GLMN: variants seen among roughly 807,000 people sequenced by gnomAD.
GLMN encodes the protein glomulin.
Under a neutral mutation model 87.8 loss-of-function variants are expected in GLMN, and 75 were observed. The ratio of observed to expected loss-of-function variants is 0.85; its 90% confidence interval spans 0.71 to 1.04. The LOEUF (loss-of-function observed/expected upper bound fraction) is 1.04. Among genes scored for constraint, GLMN ranks in the 50% least tolerant of loss-of-function variants. GLMN has a pLI of 0.00. For synonymous variants in GLMN, 206 were observed against 221.6 expected, an observed-to-expected ratio of 0.93 and a Z score of 0.63; for missense variants, 588 against 658.8, an observed-to-expected ratio of 0.89 and a Z score of 1.18.
chr1:92,303,873 A>G, upstream of GLMN: 1 of 676,714 alleles, frequency 1.5e-6, no homozygotes, highest in Non-Finnish European at 2.4e-6. Context: ...GGAAGGTACT[A>G]TTGCTATCCC....
the GLMN span, chr1:92,336,437 T>C: frequency 6.6e-7 from 1 of 1,517,972 alleles, no homozygotes; most frequent in Non-Finnish European, 9.1e-7. Flanking sequence ...GGTTAGTGTT[T>C]ATATTACAAT....
chr1:92,345,419 G>A, the GLMN span, among the ~76,000 whole-genome samples: 1 of 111,376 alleles, frequency 9.0e-6, no homozygotes, highest in African/African-American at 3.2e-5. Context: ...AGAGAAGAAA[G>A]AAAGAGAGGA....
the GLMN span, among the ~76,000 whole-genome samples, chr1:92,364,986 T>A: frequency 6.6e-6 from 1 of 152,224 alleles, no homozygotes; most frequent in Non-Finnish European, 1.5e-5. Flanking sequence ...ATTTCCCTTT[T>A]ATGTCTTCAC....
intron 3 of GLMN, among the ~76,000 whole-genome samples, chr1:92,297,118 T>C (rs958613217): frequency 2.7e-5 from 4 of 150,140 alleles, no homozygotes; most frequent in African/African-American, 4.9e-5. Context: ...TTCTTTTCTT[T>C]TTTTTTTTTT....
At chr1:92,338,530 T>C in the GLMN span, among the ~76,000 whole-genome samples, 51 of 152,222 alleles carry the variant, frequency 3.4e-4, no homozygotes, top group African/African-American at 1.2e-3. Context: ...ATATACATAG[T>C]ATGGAAACAC....
the GLMN span, among the ~76,000 whole-genome samples, chr1:92,337,438 C>T: frequency 1.3e-5 from 2 of 152,048 alleles, no homozygotes; most frequent in Non-Finnish European, 2.9e-5. Context: ...AAGTCTTTTA[C>T]TAGAAAGAGC....
At chr1:92,306,407 TAA>T in the GLMN span, among the ~76,000 whole-genome samples, 14 of 152,018 alleles carry the variant, frequency 9.2e-5, 1 homozygote, top group African/African-American at 3.1e-4. Context: ...TTTTTAATTG[TAA>T]AAAAAAGTTT....
At chr1:92,291,379 G>C in intron 4 of GLMN, 39 bp downstream of exon 4, 1 of 1,488,286 alleles carries the variant, frequency 6.7e-7, no homozygotes, top group Non-Finnish European at 9.4e-7. Flanking sequence ...AAATACTGCT[G>C]TGTGTTATGA....
At chr1:92,274,104 A>G (rs1328014725) in intron 7 of GLMN, among the ~76,000 whole-genome samples, 1 of 152,190 alleles carries the variant, frequency 6.6e-6, no homozygotes, top group Non-Finnish European at 1.5e-5. Flanking sequence ...TCCTCATTTC[A>G]TCTCCAAGCT....
At chr1:92,267,683 GAC>G (rs974233028) in intron 11 of GLMN, among the ~76,000 whole-genome samples, 7 of 148,048 alleles carry the variant, frequency 4.7e-5, no homozygotes, top group Non-Finnish European at 1.0e-4. Context: ...CAACCTGGGC[GAC>G]ACAGCAAGAC....
chr1:92,313,658 CAA>C, the GLMN span, among the ~76,000 whole-genome samples: 1 of 152,274 alleles, frequency 6.6e-6, no homozygotes, highest in South Asian at 2.1e-4. Flanking sequence ...TAGCCCCTAA[CAA>C]GAGAGTCATC....
the GLMN span, among the ~76,000 whole-genome samples, chr1:92,332,754 C>T: frequency 4.6e-5 from 7 of 152,124 alleles, no homozygotes; most frequent in South Asian, 4.1e-4. Context: ...CCCCTGCCTT[C>T]TTGAAGGATA....
chr1:92,264,674 C>T lies in GLMN; in HGVS notation c.1215-36G>A, dbSNP rs748889663. ...AAATTACAATAGATGTGAAATTATC[C>T]TGGACAGCATTAGAATTAAATGGTG... On this transcript the variant is annotated intron_variant, in intron 13 of 18. Transcript: ENST00000370360. The T allele has an allele frequency of 1.4e-5, 15 of 1,064,640 alleles. 1 individual carries two copies. The highest frequency in any genetic ancestry group is 2.2e-5 in the Non-Finnish European group (15 of 679,224). The allele number at this position is 1,064,640 out of a possible 1,614,324, so 65.9% of individuals were successfully genotyped here.
chr1:92,285,582 GTGCAC>G (rs1433974727), intron 7 of GLMN, among the ~76,000 whole-genome samples: 1 of 152,170 alleles, frequency 6.6e-6, no homozygotes, highest in Non-Finnish European at 1.5e-5. Context: ...CCTGCACGTT[GTGCAC>G]ATGTACCCTA....
At chr1:92,258,568 C>G (rs1182179887) in intron 16 of GLMN, among the ~76,000 whole-genome samples, 1 of 152,162 alleles carries the variant, frequency 6.6e-6, no homozygotes, top group Non-Finnish European at 1.5e-5. Context: ...GAATACTGTG[C>G]AGCCATAAAA....
intron 16 of GLMN, chr1:92,248,447 C>G (rs1259412677): frequency 1.2e-5 from 2 of 161,520 alleles, no homozygotes; most frequent in Non-Finnish European, 2.7e-5. Context: ...ATTTGAACCT[C>G]CCTGGTGACC....
In GLMN at chr1:92,251,403, A is replaced by AG. The variant is rs1345223121; in HGVS notation, c.1474-3415dup. Among the ~76,000 whole-genome samples the AG allele has an allele frequency of 1.6e-4, 24 of 150,320 alleles. No homozygotes were observed. The East Asian group carries it at 4.4e-3, about 28-fold the overall frequency. ...CAAATAGTGTTGAGGTCAAAATAAAAGAAAAAAAAATCTCTCAACCCATAT... is the reference window on the plus strand; with the variant it reads ...CAAATAGTGTTGAGGTCAAAATAAAAGGAAAAAAAAATCTCTCAACCCATAT... On this transcript the variant is annotated intron_variant, in intron 16 of 18. Coordinates refer to ENST00000370360, the MANE Select transcript of GLMN (RefSeq NM_053274.3).
At chr1:92,359,397 G>A in the GLMN span, among the ~76,000 whole-genome samples, 15 of 152,170 alleles carry the variant, frequency 9.9e-5, no homozygotes, top group African/African-American at 1.4e-4. Context: ...TCGGCTCACC[G>A]CAACCCCCGC....
At chr1:92,344,690 A>C in the GLMN span, among the ~76,000 whole-genome samples, 2 of 152,166 alleles carry the variant, frequency 1.3e-5, no homozygotes. Context: ...ATTGTCATTC[A>C]ATTGCTCACA....
Sources: allele counts gnomAD v4.1 joint callset (sites outside exome capture counted in the v4.1 genomes callset), GRCh38; gene constraint gnomAD v4.1.1; transcripts MANE v1.5; gene names NCBI Gene and HGNC (gene_info 2026-07-23, HGNC 2026-07-21).